SORCS2: variants seen among roughly 807,000 people sequenced by gnomAD.
SORCS2 encodes sortilin related VPS10 domain containing receptor 2, also known as VPS10 domain-containing receptor SorCS2.
A neutral mutation model predicts 141.6 loss-of-function variants in SORCS2; 100 were observed. That is an observed-to-expected ratio of 0.71 (90% confidence interval 0.60 to 0.83). SORCS2 has a LOEUF of 0.83. SORCS2 is among the 40% of genes least tolerant of loss of function. The pLI is 0.00. For missense variants in SORCS2, 1,646 were observed against 1,560.2 expected (o/e 1.05, Z -0.93); for synonymous variants, 789 against 676.9 (o/e 1.17, Z -2.57).
chr4:7,231,471 ACCATCCAC>A (rs1024622836), intron 1 of SORCS2, among the ~76,000 whole-genome samples: 4 of 152,202 alleles, frequency 2.6e-5, no homozygotes, highest in African/African-American at 4.8e-5. Flanking sequence ...ACCTGGTAAT[ACCATCCAC>A]CCATCCACCC....
In SORCS2 at chr4:7,664,912, T is replaced by C. The variant is rs985842215; in HGVS notation, c.1071+441T>C. On this transcript the variant is annotated intron_variant, in intron 7 of 26. Transcript: ENST00000507866. The surrounding 1 kb of genome is among the most constrained non-coding windows in gnomAD (Gnocchi z 4.7). Reference sequence around the variant, plus strand: ...GGGCCCACCCTCAGCAGCCATGTGGTCCCAGCTAATTCAGAAACTCTAGCA... The same window carrying C: ...GGGCCCACCCTCAGCAGCCATGTGGCCCCAGCTAATTCAGAAACTCTAGCA... Among the ~76,000 whole-genome samples the C allele has an allele frequency of 2.0e-5, 3 of 152,166 alleles. No individual in the cohort carries two copies. The highest frequency in any genetic ancestry group is 7.2e-5 in the African/African-American group (3 of 41,450).
At chr4:7,613,231 T>C (rs964517856) in intron 3 of SORCS2, among the ~76,000 whole-genome samples, 18 of 152,226 alleles carry the variant, frequency 1.2e-4, no homozygotes, top group African/African-American at 4.1e-4. Context: ...TGGTTCCCAC[T>C]GAGAAATTAA....
At chr4:7,369,740 T>C (rs1722130592) in intron 1 of SORCS2, among the ~76,000 whole-genome samples, 1 of 152,114 alleles carries the variant, frequency 6.6e-6, no homozygotes, top group Admixed American at 6.5e-5. Context: ...GCTTTGCAGG[T>C]TCTCCCTCCC....
intron 1 of SORCS2, among the ~76,000 whole-genome samples, chr4:7,389,806 G>A (rs1186184661): frequency 6.6e-6 from 1 of 152,196 alleles, no homozygotes; most frequent in Non-Finnish European, 1.5e-5. Context: ...TCATGGCCAA[G>A]GGGGTGTGTT....
intron 1 of SORCS2, among the ~76,000 whole-genome samples, chr4:7,284,294 T>G (rs1021055510): frequency 2.6e-5 from 4 of 151,652 alleles, no homozygotes; most frequent in Non-Finnish European, 5.9e-5. Context: ...GAGCCGAGGC[T>G]GGGGTCAGAC....
chr4:7,228,250 G>A (rs1221563871), intron 1 of SORCS2, among the ~76,000 whole-genome samples: 1 of 151,874 alleles, frequency 6.6e-6, no homozygotes, highest in Non-Finnish European at 1.5e-5. Context: ...TACCAGTCAC[G>A]TTGGGTCAGG....
intron 3 of SORCS2, among the ~76,000 whole-genome samples, chr4:7,590,048 G>A (rs775205329): frequency 1.2e-4 from 18 of 152,164 alleles, no homozygotes; most frequent in Non-Finnish European, 1.0e-4. Context: ...GCCGAGAAGG[G>A]GAATGGCTAT....
intron 11 of SORCS2, among the ~76,000 whole-genome samples, chr4:7,692,689 G>A (rs1489469243): frequency 6.6e-6 from 1 of 152,234 alleles, no homozygotes; most frequent in African/African-American, 2.4e-5. Context: ...CCTACAAGAT[G>A]GTCCAGAGGG....
intron 9 of SORCS2, among the ~76,000 whole-genome samples, chr4:7,681,136 G>A (rs1024885658): frequency 2.0e-5 from 3 of 152,188 alleles, no homozygotes; most frequent in Non-Finnish European, 2.9e-5. Context: ...AGACTGATGC[G>A]TGTCCTTGGG....
intron 1 of SORCS2, among the ~76,000 whole-genome samples, chr4:7,226,974 C>T (rs1354441505): frequency 2.0e-5 from 3 of 152,246 alleles, no homozygotes; most frequent in Non-Finnish European, 4.4e-5. Flanking sequence ...GGGGCCATCC[C>T]TGATGGTGCC....
chr4:7,538,004 C>T (rs903587905), intron 3 of SORCS2, among the ~76,000 whole-genome samples: 3 of 152,042 alleles, frequency 2.0e-5, no homozygotes, highest in African/African-American at 7.2e-5. Flanking sequence ...GAAAAGGGGG[C>T]AAAGTCAGCC....
intron 1 of SORCS2, among the ~76,000 whole-genome samples, chr4:7,368,236 T>C (rs1309483753): frequency 6.6e-6 from 1 of 152,160 alleles, no homozygotes; most frequent in Non-Finnish European, 1.5e-5. Context: ...AGCCAGACTC[T>C]CCAGGGAGGC....
At chr4:7,287,155 A>G (rs1460491485) in intron 1 of SORCS2, among the ~76,000 whole-genome samples, 2 of 152,170 alleles carry the variant, frequency 1.3e-5, no homozygotes, top group African/African-American at 2.4e-5. Context: ...GCCTTGCCCA[A>G]TGAGGGGTGC....
At chr4:7,673,202 G>T (rs1200171318) in intron 8 of SORCS2, among the ~76,000 whole-genome samples, 3 of 152,194 alleles carry the variant, frequency 2.0e-5, no homozygotes, top group African/African-American at 7.2e-5. Flanking sequence ...CGAAATACGT[G>T]CCCTCTACTA....
intron 3 of SORCS2, among the ~76,000 whole-genome samples, chr4:7,534,044 G>A (rs567051543): frequency 2.0e-5 from 3 of 152,212 alleles, no homozygotes; most frequent in African/African-American, 7.2e-5. Flanking sequence ...CTGGGCACAG[G>A]CTGGATTTCA....
At position 7,705,122 on chromosome 4, in the gene SORCS2, C is replaced by A. The variant is rs148479518; in HGVS notation, c.1868+838C>A. ...GCCATGGAGTAGGGCGGACCCTGATCCAATGACTGTGTCCTTACAAGAGGA... is the reference window on the plus strand; with the variant it reads ...GCCATGGAGTAGGGCGGACCCTGATACAATGACTGTGTCCTTACAAGAGGA... On this transcript the variant is annotated intron_variant, in intron 14 of 26. Coordinates refer to ENST00000507866, the MANE Select transcript of SORCS2 (RefSeq NM_020777.3). Among the ~76,000 whole-genome samples, 434 of 152,284 alleles carry A rather than the reference C, an allele frequency of 2.8e-3. 15 individuals are homozygous for A. The East Asian group carries it at 0.067, about 23-fold the overall frequency.
At chr4:7,727,055 C>T (rs1727272469) in intron 21 of SORCS2, among the ~76,000 whole-genome samples, 152 bp downstream of exon 21, 1 of 152,210 alleles carries the variant, frequency 6.6e-6, no homozygotes, top group Non-Finnish European at 1.5e-5. Flanking sequence ...CAGAGCCCTG[C>T]CCTGGCTGTG....
chr4:7,706,484 G>T (rs1477051894), intron 14 of SORCS2, among the ~76,000 whole-genome samples: 2 of 135,386 alleles, frequency 1.5e-5, no homozygotes, highest in African/African-American at 5.7e-5. Flanking sequence ...TGCCTGGACA[G>T]AGATGAGGCT....
chr4:7,658,332 T>C (rs1275452483), intron 5 of SORCS2, among the ~76,000 whole-genome samples: 3 of 151,996 alleles, frequency 2.0e-5, no homozygotes, highest in African/African-American at 7.3e-5. Flanking sequence ...GGTGAGTGGG[T>C]GAATGAATGA....
Sources: gnomAD v4.1 joint callset for allele counts (sites outside exome capture counted in the v4.1 genomes callset) on GRCh38, gnomAD v4.1.1 for gene constraint, Gnocchi (gnomAD v3.1) non-coding constraint, MANE v1.5 for transcripts, NCBI Gene and HGNC (gene_info 2026-07-23, HGNC 2026-07-21) for gene names.